The following N4BP2 variants were observed in gnomAD, a reference collection of about 807,000 sequenced individuals.
N4BP2 encodes the protein NEDD4-binding protein 2.
In N4BP2, 91 loss-of-function variants were observed where a neutral mutation model predicts 152.8. The ratio of observed to expected loss-of-function variants is 0.60; its 90% confidence interval spans 0.50 to 0.71. N4BP2 has a LOEUF of 0.71. Among genes scored for constraint, N4BP2 ranks in the 30% least tolerant of loss-of-function variants. The probability of loss-of-function intolerance (pLI) is 0.00; values close to 1 mark genes in which losing one functional copy is unlikely to be tolerated. For missense variants in N4BP2, 1,923 were observed against 2,059.1 expected, an observed-to-expected ratio of 0.93 and a Z score of 1.28; for synonymous variants, 646 against 705.3, an observed-to-expected ratio of 0.92 and a Z score of 1.33.
At chr4:40,101,125 C>T (rs1358750799) in intron 3 of N4BP2, among the ~76,000 whole-genome samples, 1 of 152,118 alleles carries the variant, frequency 6.6e-6, no homozygotes, top group Non-Finnish European at 1.5e-5. Context: ...GCTTCTATGG[C>T]ATTTGTACAT....
chr4:40,122,070 A>G lies in N4BP2; in HGVS notation c.3959A>G (p.Asp1320Gly). The change falls in exon 9 of 18, where the codon GAT (aspartate) becomes GGT (glycine). Residue 1320 changes from aspartate to glycine, a missense_variant. Asp to Gly is a moderately conservative substitution (Grantham distance 94). Transcript: ENST00000261435. The stretch of plus-strand genomic sequence containing the variant: ...AAGAGAAATGAAAATTTTCCAAAGG[A>G]TTATGTGAAATTTTCAGATGAAGAA... ...EIKRNENFPK[D>G]YVKFSDEEEF... The G allele has an allele frequency of 1.3e-6, 2 of 1,561,550 alleles. No homozygotes were observed. Among genetic ancestry groups the G allele is most frequent in the Non-Finnish European group, 1.7e-6 (2 of 1,152,592 alleles).
intron 3 of N4BP2, among the ~76,000 whole-genome samples, chr4:40,100,456 A>G (rs1715536935): frequency 6.8e-6 from 1 of 147,894 alleles, no homozygotes. Flanking sequence ...CTAGAGGCTC[A>G]CTGTAGCCTC....
intron 3 of N4BP2, among the ~76,000 whole-genome samples, chr4:40,099,397 T>C (rs1428661025): frequency 2.0e-5 from 3 of 151,994 alleles, no homozygotes; most frequent in Non-Finnish European, 2.9e-5. Context: ...CGTCCGCCAC[T>C]GTGCCTGGCT....
chr4:40,129,059 T>C (rs991440718), intron 12 of N4BP2, among the ~76,000 whole-genome samples: 2 of 152,136 alleles, frequency 1.3e-5, no homozygotes, highest in African/African-American at 4.8e-5. Context: ...TCTTTTTCTT[T>C]TCTTTTTTTT....
At chr4:40,132,116 G>GT (rs796306822) in intron 13 of N4BP2, among the ~76,000 whole-genome samples, 197 bp downstream of exon 13, 42 of 152,088 alleles carry the variant, frequency 2.8e-4, no homozygotes, top group African/African-American at 9.6e-4. Flanking sequence ...TATATACTAT[G>GT]TTTTTTTCCT....
At chr4:40,115,649 A>C (rs2109986792) in intron 7 of N4BP2, among the ~76,000 whole-genome samples, 1 of 152,210 alleles carries the variant, frequency 6.6e-6, no homozygotes, top group South Asian at 2.1e-4. Flanking sequence ...GTGTTTTTAA[A>C]TTTCTGAACA....
intron 2 of N4BP2, among the ~76,000 whole-genome samples, chr4:40,076,440 C>T (rs2109907526): frequency 6.6e-6 from 1 of 152,156 alleles, no homozygotes; most frequent in East Asian, 1.9e-4. Flanking sequence ...CCTGTCACTG[C>T]ACTCTAGCTT....
chr4:40,087,841 G>A (rs1714134686), intron 2 of N4BP2, among the ~76,000 whole-genome samples: 1 of 151,484 alleles, frequency 6.6e-6, no homozygotes. Flanking sequence ...CTGTCTCCTG[G>A]GTTCTAAGTG....
chr4:40,130,807 A>G (rs962796114), intron 12 of N4BP2, among the ~76,000 whole-genome samples: 4 of 152,170 alleles, frequency 2.6e-5, no homozygotes, highest in African/African-American at 9.7e-5. Context: ...TGCCTTTGAA[A>G]CTGTATAGGA....
chr4:40,169,102 G>A, the N4BP2 span, among the ~76,000 whole-genome samples: 1 of 152,022 alleles, frequency 6.6e-6, no homozygotes, highest in Admixed American at 6.5e-5. Context: ...ATAAAAAAGG[G>A]CCGGGCGTGG....
chr4:40,126,537 C>T (rs930668620), intron 12 of N4BP2, among the ~76,000 whole-genome samples: 5 of 152,114 alleles, frequency 3.3e-5, no homozygotes, highest in African/African-American at 1.2e-4. Context: ...AACTATAAGC[C>T]ATCCATGTTA....
At chr4:40,189,600 A>C in the N4BP2 span, among the ~76,000 whole-genome samples, 1 of 152,128 alleles carries the variant, frequency 6.6e-6, no homozygotes, top group African/African-American at 2.4e-5. This position sits in a 1 kb window ranked among gnomAD's most constrained non-coding sequence, Gnocchi z 4.3. Context: ...AGACCATTGA[A>C]CATTATGGCG....
intron 16 of N4BP2, among the ~76,000 whole-genome samples, chr4:40,151,893 T>G (rs1463325442): frequency 5.3e-5 from 8 of 152,200 alleles, no homozygotes; most frequent in South Asian, 2.1e-4. Flanking sequence ...TTGTATTCTA[T>G]TAGGAGTATT....
At chr4:40,099,317 A>G (rs1008040263) in intron 3 of N4BP2, among the ~76,000 whole-genome samples, 2 of 152,186 alleles carry the variant, frequency 1.3e-5, no homozygotes, top group Non-Finnish European at 2.9e-5. Context: ...ATCTTGGCTC[A>G]TGGCAACCTC....
chr4:40,080,325 T>TATAC lies in N4BP2; in HGVS notation c.-115+6775_-115+6776insTACA, dbSNP rs772636527. The stretch of plus-strand genomic sequence containing the variant: ...AGTGTGAGCTGTATATATATATATA[T>TATAC]ACACACACACATATATATGTATATA... On this transcript the variant is annotated intron_variant, in intron 2 of 17. Coordinates refer to ENST00000261435, the MANE Select transcript of N4BP2 (RefSeq NM_018177.6). 6.9e-3 allele frequency among the ~76,000 whole-genome samples: 1,043 copies of TATAC among 150,390 alleles called. 10 individuals carry two copies. The highest frequency in any genetic ancestry group is 0.032 in the South Asian group (152 of 4,744).
chr4:40,139,396 C>G (rs1282840205), intron 14 of N4BP2, among the ~76,000 whole-genome samples: 1 of 151,772 alleles, frequency 6.6e-6, no homozygotes, highest in South Asian at 2.1e-4. Flanking sequence ...CGCACCTGGC[C>G]TGGAATTATG....
chr4:40,111,432 T>C (rs793994), intron 5 of N4BP2, among the ~76,000 whole-genome samples: 116,119 of 151,944 alleles, frequency 0.76, 44,748 homozygotes, highest in East Asian at 0.97. Flanking sequence ...GTGATTCTGC[T>C]GTCTCAGCCT....
At chr4:40,130,703 G>A (rs968897308) in intron 12 of N4BP2, among the ~76,000 whole-genome samples, 3 of 152,108 alleles carry the variant, frequency 2.0e-5, no homozygotes, top group Non-Finnish European at 2.9e-5. Flanking sequence ...GGGTCTTGCT[G>A]TGTTGCCAGG....
chr4:40,134,195 C>A (rs182750812), intron 13 of N4BP2, among the ~76,000 whole-genome samples: 2 of 152,264 alleles, frequency 1.3e-5, no homozygotes, highest in Admixed American at 1.3e-4. Flanking sequence ...AAGTAGTATT[C>A]CAATCCCTAA....
Sources: allele counts gnomAD v4.1 joint callset (sites outside exome capture counted in the v4.1 genomes callset), GRCh38; gene constraint gnomAD v4.1.1; non-coding constraint Gnocchi (gnomAD v3.1); transcripts MANE v1.5; gene names NCBI Gene and HGNC (gene_info 2026-07-23, HGNC 2026-07-21).